NFATC3: variants seen among roughly 807,000 people sequenced by gnomAD.
The protein encoded by NFATC3 is nuclear factor of activated T cells 3.
Under a neutral mutation model 98.6 loss-of-function variants are expected in NFATC3, and 46 were observed. That is an observed-to-expected ratio of 0.47 (90% CI 0.37 to 0.60). The LOEUF (loss-of-function observed/expected upper bound fraction) is 0.60, where lower values mean the gene tolerates loss of function less well. NFATC3 is among the 20% of genes least tolerant of loss of function. The pLI is 0.00. For synonymous variants in NFATC3, 512 were observed against 472.2 expected, an observed-to-expected ratio of 1.08 and a Z score of -1.09; for missense variants, 1,256 against 1,295.5, an observed-to-expected ratio of 0.97 and a Z score of 0.47.
intron 9 of NFATC3, among the ~76,000 whole-genome samples, chr16:68,219,881 A>G (rs1261637990): frequency 6.6e-6 from 1 of 152,186 alleles, no homozygotes; most frequent in Non-Finnish European, 1.5e-5. Context: ...CATACTATAT[A>G]CTTGTCAGTT....
At chr16:68,119,908 T>A (rs2036481714) in intron 1 of NFATC3, among the ~76,000 whole-genome samples, 1 of 152,102 alleles carries the variant, frequency 6.6e-6, no homozygotes, top group South Asian at 2.1e-4. Context: ...TCATGTTGTT[T>A]CCAGTGTAGA....
chr16:68,173,090 C>T (rs879938897), intron 5 of NFATC3, among the ~76,000 whole-genome samples: 1 of 151,544 alleles, frequency 6.6e-6, no homozygotes, highest in Non-Finnish European at 1.5e-5. Context: ...GACCCTATCT[C>T]TACAAAAATA....
intron 6 of NFATC3, among the ~76,000 whole-genome samples, chr16:68,174,806 G>T (rs1416409781): frequency 6.6e-6 from 1 of 152,072 alleles, no homozygotes; most frequent in Non-Finnish European, 1.5e-5. Context: ...TCTGATTGTG[G>T]CACTTCACTC....
intron 3 of NFATC3, among the ~76,000 whole-genome samples, chr16:68,140,019 C>T (rs1157473680): frequency 6.6e-6 from 1 of 152,000 alleles, no homozygotes; most frequent in East Asian, 1.9e-4. Context: ...TTTTTTGAGA[C>T]AGAGTCTCAT....
intron 1 of NFATC3, among the ~76,000 whole-genome samples, chr16:68,114,080 T>C (rs2036134440): frequency 6.6e-6 from 1 of 152,178 alleles, no homozygotes; most frequent in Admixed American, 6.5e-5. Context: ...CTTGGTGGCG[T>C]GGGCTCATGA....
At chr16:68,194,784 T>C (rs1402131741) in intron 9 of NFATC3, among the ~76,000 whole-genome samples, 5 of 151,896 alleles carry the variant, frequency 3.3e-5, no homozygotes, top group Admixed American at 2.6e-4. Flanking sequence ...GATTTGGGGG[T>C]AGAGGGTCGG....
chr16:68,139,648 T>A (rs1381077411), intron 3 of NFATC3, among the ~76,000 whole-genome samples: 1 of 152,234 alleles, frequency 6.6e-6, no homozygotes, highest in African/African-American at 2.4e-5. Flanking sequence ...GCTGTGCTGC[T>A]GTTGGAAAAT....
In NFATC3 at chr16:68,180,492, T is replaced by G. The variant is rs570959218; in HGVS notation, c.1916-983T>G. On this transcript the variant is annotated intron_variant, in intron 6 of 9. Transcript: ENST00000346183. Reference sequence around the variant, plus strand: ...GTGTTCTCAGAGGGCTTTTATTTGTTTTTTATTTTTATTTTTTTTAAATTA... The same window carrying G: ...GTGTTCTCAGAGGGCTTTTATTTGTGTTTTATTTTTATTTTTTTTAAATTA... Among the ~76,000 whole-genome samples the G allele has an allele frequency of 9.2e-4, 140 of 152,166 alleles. 1 individual carries two copies. The highest frequency in any genetic ancestry group is 1.7e-3 in the Non-Finnish European group (117 of 67,994).
chr16:68,224,687 A>C (rs1279397065), intron 9 of NFATC3: 2 of 150,962 alleles, frequency 1.3e-5, no homozygotes, highest in Non-Finnish European at 2.9e-5. Flanking sequence ...AAGCAACTGA[A>C]TTAGTAAATA....
Position 68,127,030 on chromosome 16 carries a change from C to G in NFATC3, c.1401+420C>G, listed in dbSNP as rs113989456. Among the ~76,000 whole-genome samples the G allele has an allele frequency of 4.9e-3, 743 of 152,038 alleles. 8 individuals carry two copies. The highest frequency in any genetic ancestry group is 0.017 in the African/African-American group (703 of 41,464). Reference sequence around the variant, plus strand: ...GAGTTCGAGACCAGCCTGGCCAACACAGTGAAATCCCGTCTCTACTAAAAA... The same window carrying G: ...GAGTTCGAGACCAGCCTGGCCAACAGAGTGAAATCCCGTCTCTACTAAAAA... On this transcript the variant is annotated intron_variant, in intron 3 of 9. Transcript: ENST00000346183.
At position 68,191,077 on chromosome 16, in the gene NFATC3, A is replaced by G; in HGVS notation, c.2408A>G (p.Gln803Arg). 6.2e-7 allele frequency: 1 copy of G among 1,614,226 alleles called. No individual in the cohort carries two copies. Among genetic ancestry groups the G allele is most frequent in the Non-Finnish European group, 8.5e-7 (1 of 1,180,040 alleles). ...ACACCTCCTGTGGGGTCTTCCTATC[A>G]GCCTATGCAAACTAATGTTGTGTAC... ...TPTPPVGSSY[Q>R]PMQTNVVYNG... Residue 803 changes from glutamine (Q) to arginine (R), a missense_variant, in exon 9 of 10, where the codon CAG becomes CGG. This residue lies in a region of NFATC3 where 636 missense variants were observed against 617.3 expected (regional missense o/e 1.03). Transcript: ENST00000346183.
At chr16:68,184,679 C>T (rs1405239620) in intron 8 of NFATC3, among the ~76,000 whole-genome samples, 1 of 152,028 alleles carries the variant, frequency 6.6e-6, no homozygotes, top group Non-Finnish European at 1.5e-5. Flanking sequence ...TGGCGGGCGC[C>T]TGTAGTCCCA....
At chr16:68,176,427 T>G (rs985183123) in intron 6 of NFATC3, among the ~76,000 whole-genome samples, 4 of 152,138 alleles carry the variant, frequency 2.6e-5, no homozygotes, top group Admixed American at 6.5e-5. Flanking sequence ...TCAGAGGTCT[T>G]AATGTTTTAA....
intron 3 of NFATC3, among the ~76,000 whole-genome samples, chr16:68,130,526 T>G (rs1396252135): frequency 6.6e-6 from 1 of 152,198 alleles, no homozygotes; most frequent in African/African-American, 2.4e-5. Flanking sequence ...TTGAGTTGTT[T>G]GAGTACCTTG....
At chr16:68,221,088 C>A in intron 9 of NFATC3, 1 of 1,186,076 alleles carries the variant, frequency 8.4e-7, no homozygotes, top group Non-Finnish European at 1.2e-6. Context: ...ATGCATATAT[C>A]CATTCAAGAT....
At chr16:68,132,007 T>A (rs1405446429) in intron 3 of NFATC3, among the ~76,000 whole-genome samples, 1 of 152,222 alleles carries the variant, frequency 6.6e-6, no homozygotes, top group Non-Finnish European at 1.5e-5. Context: ...TCTGCAAATA[T>A]GTTGGAATAT....
chr16:68,221,348 C>T lies in NFATC3; in HGVS notation c.3107-5002C>T. ...AGTGAGGGAGAAGGAAAGCAGAGGA[C>T]TTGCATGATTAACACTCGGCTCAAG... is the stretch of plus-strand genomic sequence containing the variant. On this transcript the variant is annotated intron_variant, in intron 9 of 9. Coordinates refer to ENST00000346183, the MANE Select transcript of NFATC3 (RefSeq NM_173165.3). 2.5e-6 allele frequency: 4 copies of T among 1,596,500 alleles called. No individual in the cohort carries two copies. The South Asian group carries it at 4.5e-5, about 18-fold the overall frequency.
chr16:68,217,722 G>A (rs2041691540), intron 9 of NFATC3: 1 of 1,231,630 alleles, frequency 8.1e-7, no homozygotes, highest in South Asian at 4.1e-5. Flanking sequence ...TTTTGTCAAA[G>A]CAGAGAAACC....
At chr16:68,113,332 G>T (rs938890343) in intron 1 of NFATC3, among the ~76,000 whole-genome samples, 2 of 152,138 alleles carry the variant, frequency 1.3e-5, no homozygotes, top group Admixed American at 1.3e-4. Context: ...TTAATAGTAA[G>T]GCCCCTCTTC....
Sources: gnomAD v4.1 joint callset for allele counts (sites outside exome capture counted in the v4.1 genomes callset) on GRCh38, gnomAD v4.1.1 for gene constraint, gnomAD v4.1.1 regional missense constraint, MANE v1.5 for transcripts, NCBI Gene and HGNC (gene_info 2026-07-23, HGNC 2026-07-21) for gene names.